SEMA6D: variants seen among roughly 807,000 people sequenced by gnomAD.
The protein encoded by SEMA6D is semaphorin 6D.
In SEMA6D, 35 loss-of-function variants were observed where a neutral mutation model predicts 106.6. The ratio of observed to expected loss-of-function variants is 0.33; its 90% CI spans 0.25 to 0.44. The LOEUF is 0.44. Among genes scored for constraint, SEMA6D ranks in the 20% least tolerant of loss-of-function variants. The probability of loss-of-function intolerance (pLI) is 1.00; values close to 1 mark genes in which losing one functional copy is unlikely to be tolerated. For synonymous variants in SEMA6D, 499 were observed against 487.7 expected, an observed-to-expected ratio of 1.02 and a Z score of -0.31; for missense variants, 1,185 against 1,345.9, an observed-to-expected ratio of 0.88 and a Z score of 1.87.
intron 4 of SEMA6D, among the ~76,000 whole-genome samples, chr15:47,649,817 C>T (rs997117400): frequency 1.0e-4 from 14 of 136,952 alleles, no homozygotes; most frequent in African/African-American, 3.7e-5. Context: ...TACAATAGCT[C>T]GTGGAGGCAG....
intron 4 of SEMA6D, among the ~76,000 whole-genome samples, chr15:47,687,827 C>T (rs940692961): frequency 2.0e-5 from 3 of 151,996 alleles, no homozygotes; most frequent in African/African-American, 7.3e-5. Flanking sequence ...ATCGATGATA[C>T]TTATATTGAG....
chr15:47,421,656 T>C (rs1238836424), intron 2 of SEMA6D, among the ~76,000 whole-genome samples: 2 of 151,934 alleles, frequency 1.3e-5, no homozygotes, highest in African/African-American at 4.8e-5. Flanking sequence ...TGAGATTAGA[T>C]TTGTGGTTGG....
chr15:47,223,618 G>A (rs565296567), intron 1 of SEMA6D, among the ~76,000 whole-genome samples: 1 of 152,002 alleles, frequency 6.6e-6, no homozygotes, highest in African/African-American at 2.4e-5. Flanking sequence ...TTGAAGAAGA[G>A]GCTTAAAATC....
intron 1 of SEMA6D, among the ~76,000 whole-genome samples, chr15:47,409,997 T>C (rs1216724855): frequency 6.6e-6 from 1 of 151,632 alleles, no homozygotes; most frequent in East Asian, 1.9e-4. Flanking sequence ...TTTAAGAAAT[T>C]TTTTTTTTAA....
chr15:47,757,546 T>A (rs1233728621), intron 1 of SEMA6D, among the ~76,000 whole-genome samples: 1 of 152,222 alleles, frequency 6.6e-6, no homozygotes, highest in Non-Finnish European at 1.5e-5. Flanking sequence ...GGAAACCATG[T>A]AGCTGTAGTA....
chr15:47,653,708 A>G (rs1360369687), intron 4 of SEMA6D, among the ~76,000 whole-genome samples: 1 of 152,262 alleles, frequency 6.6e-6, no homozygotes, highest in Non-Finnish European at 1.5e-5. Context: ...TTGCCCATGC[A>G]ACAATAATGT....
intron 3 of SEMA6D, among the ~76,000 whole-genome samples, chr15:47,550,441 C>T (rs1486325820): frequency 6.6e-6 from 1 of 152,164 alleles, no homozygotes; most frequent in Non-Finnish European, 1.5e-5. Context: ...CTTCTGCTCT[C>T]AGTTAATTTT....
intron 1 of SEMA6D, chr15:47,399,351 A>T (rs1176030003): frequency 6.6e-6 from 1 of 152,124 alleles, no homozygotes; most frequent in Non-Finnish European, 1.5e-5. Flanking sequence ...GCAACATTAA[A>T]CTTTCCAGTT....
At chr15:47,368,484 T>TTTA (rs1567031928) in intron 1 of SEMA6D, among the ~76,000 whole-genome samples, 2 of 150,028 alleles carry the variant, frequency 1.3e-5, no homozygotes, top group South Asian at 2.2e-4. Context: ...TTATTTATTT[T>TTTA]TTTTGAGACG....
chr15:47,348,723 C>CAGAGAGAGAG (rs1258338355), intron 1 of SEMA6D, among the ~76,000 whole-genome samples: 684 of 45,474 alleles, frequency 0.015, 59 homozygotes, highest in African/African-American at 0.037. Context: ...ACACACCACA[C>CAGAGAGAGAG]ACACAGAGAG....
rs2082601446 is a variant in SEMA6D, at chr15:47,771,038, C to T, written c.2475C>T (p.Pro825=). The T allele has an allele frequency of 6.2e-7, 1 of 1,614,074 alleles. No individual in the cohort carries two copies. The highest frequency in any genetic ancestry group is 1.3e-5 in the African/African-American group (1 of 74,950). The part of the protein sequence containing the change: ...PHSPLSHGHI[P]SAIVLPNATH... ...CCCCATTAAGTCATGGGCATATCCCCAGTGCCATTGTTCTTCCAAATGCTA... is the reference window on the plus strand; with the variant it reads ...CCCCATTAAGTCATGGGCATATCCCTAGTGCCATTGTTCTTCCAAATGCTA... The change falls in exon 19 of 19, where the codon CCC becomes CCT. Residue 825 remains proline, a synonymous_variant. Coordinates refer to ENST00000536845, the MANE Select transcript of SEMA6D (RefSeq NM_001358351.3).
chr15:47,659,234 T>C (rs1221222579), intron 4 of SEMA6D, among the ~76,000 whole-genome samples: 1 of 151,896 alleles, frequency 6.6e-6, no homozygotes, highest in African/African-American at 2.4e-5. Context: ...AACAATTTGA[T>C]TTTAGCACAT....
At chr15:47,466,216 T>C (rs1316534286) in intron 2 of SEMA6D, among the ~76,000 whole-genome samples, 1 of 152,162 alleles carries the variant, frequency 6.6e-6, no homozygotes, top group African/African-American at 2.4e-5. Context: ...TGCAATACAT[T>C]ATTATTAACT....
intron 1 of SEMA6D, among the ~76,000 whole-genome samples, chr15:47,229,004 G>T (rs184373715): frequency 1.6e-4 from 24 of 152,120 alleles, no homozygotes; most frequent in Admixed American, 1.3e-4. Context: ...TGGGCCATGA[G>T]AGATCGTATA....
chr15:47,597,547 A>C (rs1364802272), intron 3 of SEMA6D, among the ~76,000 whole-genome samples: 1 of 152,096 alleles, frequency 6.6e-6, no homozygotes, highest in African/African-American at 2.4e-5. Context: ...AATAATGAAG[A>C]AAATCTGTTT....
chr15:47,416,026 T>C (rs1245162100), intron 2 of SEMA6D, among the ~76,000 whole-genome samples: 5 of 152,174 alleles, frequency 3.3e-5, no homozygotes, highest in Non-Finnish European at 1.5e-5. Flanking sequence ...GTTAACATAA[T>C]GGATGTGGGT....
intron 3 of SEMA6D, among the ~76,000 whole-genome samples, chr15:47,491,057 C>G (rs7183760): frequency 0.38 from 58,287 of 152,016 alleles, 12,358 homozygotes; most frequent in African/African-American, 0.58. Flanking sequence ...TCATAAAGTT[C>G]AACATTCACA....
intron 1 of SEMA6D, among the ~76,000 whole-genome samples, chr15:47,386,768 C>T (rs1290683909): frequency 2.6e-5 from 4 of 152,134 alleles, no homozygotes; most frequent in Non-Finnish European, 5.9e-5. Flanking sequence ...AGAAGTTCTG[C>T]CAGGCACGTT....
intron 4 of SEMA6D, among the ~76,000 whole-genome samples, chr15:47,688,599 A>C (rs2078520066): frequency 6.6e-6 from 1 of 152,128 alleles, no homozygotes; most frequent in Non-Finnish European, 1.5e-5. Flanking sequence ...CCTTTAAGGT[A>C]TTTTCCAACC....
Sources: gnomAD v4.1 joint callset for allele counts (sites outside exome capture counted in the v4.1 genomes callset) on GRCh38, gnomAD v4.1.1 for gene constraint, MANE v1.5 for transcripts, NCBI Gene and HGNC (gene_info 2026-07-23, HGNC 2026-07-21) for gene names.